Variants in MTTP observed in about 807,000 individuals in gnomAD.
The protein encoded by MTTP is microsomal triglyceride transfer protein large subunit.
MTTP carries 49 observed loss-of-function variants against 90.6 expected under a neutral mutation model. The ratio of observed to expected loss-of-function variants is 0.54; its 90% CI spans 0.43 to 0.69. MTTP has a LOEUF of 0.69. Ranked by LOEUF, MTTP falls within the 30% of genes least tolerant of loss-of-function variation. The pLI, the probability that MTTP is intolerant of heterozygous loss-of-function variation, is 0.00. For missense variants in MTTP, 945 were observed against 1,067.5 expected (o/e 0.89, Z 1.60); for synonymous variants, 347 against 384.2 (o/e 0.90, Z 1.13).
In MTTP at chr4:99,586,920, T is replaced by A. The variant is rs559857268; in HGVS notation, c.394-2723T>A. On this transcript the variant is annotated intron_variant, in intron 3 of 17. Transcript: ENST00000265517. ...GCTGTGGTTTCCTTGGGTTAAAGAC[T>A]TCGTTTGTAACCAGGTCATACCTGC... Among the ~76,000 whole-genome samples the A allele has an allele frequency of 8.5e-5, 13 of 152,248 alleles. No homozygotes were observed. In the South Asian group the frequency reaches 2.5e-3, roughly 29 times the overall value.
intron 9 of MTTP, among the ~76,000 whole-genome samples, chr4:99,601,060 G>C (rs998538203): frequency 6.6e-6 from 1 of 152,064 alleles, no homozygotes; most frequent in Non-Finnish European, 1.5e-5. Context: ...TACAAGATTT[G>C]TTTTGACTTC....
chr4:99,570,215 T>C (rs1724804657), upstream of MTTP, among the ~76,000 whole-genome samples: 1 of 151,958 alleles, frequency 6.6e-6, no homozygotes, highest in African/African-American at 2.4e-5. Flanking sequence ...AAATTTTCAG[T>C]TTTAGTTTTT....
At chr4:99,564,396 C>A in intron 1 of MTTP, 1 of 685,706 alleles carries the variant, frequency 1.5e-6, no homozygotes, top group Non-Finnish European at 2.3e-6. Flanking sequence ...CATGATTTTA[C>A]ATAACTCAAG....
intron 17 of MTTP, 116 bp from the exon 18 acceptor site, chr4:99,622,561 C>A: frequency 9.1e-7 from 1 of 1,101,990 alleles, no homozygotes; most frequent in South Asian, 1.3e-5. Flanking sequence ...ACACTCATAT[C>A]CTTTCTCAGA....
chr4:99,583,414 G>A lies in MTTP; in HGVS notation c.290G>A (p.Gly97Glu), dbSNP rs777178178. ...GTTGAAAATGTGAATCAGCAGAGAGGAGAGAAGAGCATCTTCAAAGGAAAA... is the reference window on the plus strand; with the variant it reads ...GTTGAAAATGTGAATCAGCAGAGAGAAGAGAAGAGCATCTTCAAAGGAAAA... Reference protein sequence around the residue: ...VNVENVNQQRGEKSIFKGKSP... With the variant: ...VNVENVNQQREEKSIFKGKSP... The change falls in exon 3 of 18, where the codon GGA (glycine) becomes GAA (glutamate). Residue 97 changes from glycine to glutamate, a missense_variant. Coordinates refer to ENST00000265517, the MANE Select transcript of MTTP (RefSeq NM_001386140.1). 5.6e-6 allele frequency: 9 copies of A among 1,613,408 alleles called. No individual in the cohort carries two copies. In the South Asian group the frequency reaches 7.7e-5, roughly 14 times the overall value.
chr4:99,619,222 T>C lies in MTTP; in HGVS notation c.2342+124T>C, dbSNP rs1456436515. The stretch of plus-strand genomic sequence containing the variant: ...AATCTATGCTTTCTATTTGGAATTA[T>C]AAAACGATAGAGTTGGAAGTGATCA... On this transcript the variant is annotated intron_variant, in intron 16 of 17. Transcript: ENST00000265517. The C allele has an allele frequency of 2.9e-5, 28 of 963,398 alleles. No homozygotes were observed. The Admixed American group carries it at 5.4e-4, about 18-fold the overall frequency. 59.7% of individuals were successfully genotyped at this position (963,398 alleles called of 1,614,324 possible). A position where few individuals can be genotyped will look rare whatever the true frequency, so the allele number is the denominator to read the frequency against.
At chr4:99,607,980 A>AG (rs1560623375) in intron 11 of MTTP, among the ~76,000 whole-genome samples, 2 of 152,098 alleles carry the variant, frequency 1.3e-5, no homozygotes, top group African/African-American at 4.8e-5. Flanking sequence ...AATTAAAAAA[A>AG]AGAGAGATGG....
At chr4:99,619,424 C>A (rs1726177758) in intron 16 of MTTP, among the ~76,000 whole-genome samples, 1 of 152,096 alleles carries the variant, frequency 6.6e-6, no homozygotes, top group Non-Finnish European at 1.5e-5. Flanking sequence ...AAACTTTCCT[C>A]TTTTGTTGTC....
At chr4:99,621,279 C>A (rs1726225516) in intron 17 of MTTP, 48 bp downstream of exon 17, 5 of 1,582,364 alleles carry the variant, frequency 3.2e-6, no homozygotes, top group Admixed American at 1.7e-5. Context: ...CCCAGTGCAC[C>A]AGGAACTTGC....
At chr4:99,610,818 C>T (rs1373724299) in intron 12 of MTTP, among the ~76,000 whole-genome samples, 1 of 152,172 alleles carries the variant, frequency 6.6e-6, no homozygotes, top group African/African-American at 2.4e-5. Context: ...AGTGTATGCA[C>T]TATTAAACAA....
chr4:99,594,856 C>T lies in MTTP; in HGVS notation c.882C>T (p.Phe294=), dbSNP rs1351059598. The T allele has an allele frequency of 3.7e-6, 6 of 1,613,938 alleles. No homozygotes were observed. Among genetic ancestry groups the T allele is most frequent in the Non-Finnish European group, 5.1e-6 (6 of 1,179,894 alleles). Residue 294 remains phenylalanine (F), a synonymous_variant, in exon 7 of 18, where the codon TTC becomes TTT. Coordinates refer to ENST00000265517, the MANE Select transcript of MTTP (RefSeq NM_001386140.1). ...YTAIPIVGQV[F]QSHCKGCPSL... is the part of the protein sequence containing the mutation. ...CCATTCCCATTGTGGGGCAGGTCTTCCAGAGCCACTGTAAAGGATGTCCTT... is the reference window on the plus strand; with the variant it reads ...CCATTCCCATTGTGGGGCAGGTCTTTCAGAGCCACTGTAAAGGATGTCCTT...
chr4:99,615,904 T>C (rs1481311526), intron 15 of MTTP, among the ~76,000 whole-genome samples: 1 of 152,198 alleles, frequency 6.6e-6, no homozygotes, highest in Non-Finnish European at 1.5e-5. Flanking sequence ...AGCTACAAAG[T>C]TCTAATAACT....
intron 1 of MTTP, 92 bp from the exon 2 acceptor site, chr4:99,581,813 C>T: frequency 7.7e-7 from 1 of 1,303,412 alleles, no homozygotes; most frequent in East Asian, 2.3e-5. Context: ...ACCAAGCTTC[C>T]TGAGCCCCAC....
chr4:99,594,025 G>A (rs1238640936), intron 6 of MTTP, among the ~76,000 whole-genome samples: 1 of 152,124 alleles, frequency 6.6e-6, no homozygotes, highest in Non-Finnish European at 1.5e-5. Flanking sequence ...TGCATGGGCT[G>A]GAAAGACTCA....
intron 4 of MTTP, among the ~76,000 whole-genome samples, chr4:99,590,792 C>T (rs61074475): frequency 0.17 from 25,769 of 151,816 alleles, 2,725 homozygotes; most frequent in East Asian, 0.44. Context: ...TAATTAATCC[C>T]ACAGGATTTT....
At position 99,581,549 on chromosome 4, in the gene MTTP, C is replaced by A. The variant is rs1725113816; in HGVS notation, c.62-356C>A. ...TACGAATGGCTCATATTAAATTTATCAACCAATTCCTGGTGGGTCCTCTAC... is the reference window on the plus strand; with the variant it reads ...TACGAATGGCTCATATTAAATTTATAAACCAATTCCTGGTGGGTCCTCTAC... On this transcript the variant is annotated intron_variant, in intron 1 of 17. Transcript: ENST00000265517. Among the ~76,000 whole-genome samples, 3 of 152,216 alleles carry A rather than the reference C, an allele frequency of 2.0e-5. No individual in the cohort carries two copies. The South Asian group carries it at 6.2e-4, about 32-fold the overall frequency.
intron 1 of MTTP, among the ~76,000 whole-genome samples, chr4:99,578,244 A>G (rs958247033): frequency 1.3e-5 from 2 of 152,262 alleles, no homozygotes; most frequent in Non-Finnish European, 2.9e-5. Context: ...CTTGAAGGGC[A>G]AATGAAAGAG....
intron 8 of MTTP, 89 bp from the exon 9 acceptor site, chr4:99,600,476 C>A: frequency 7.4e-7 from 1 of 1,356,096 alleles, no homozygotes; most frequent in Non-Finnish European, 1.0e-6. Context: ...TGAGAAAACT[C>A]AAACCAATAG....
intron 3 of MTTP, chr4:99,583,907 A>G: frequency 3.1e-6 from 1 of 326,398 alleles, no homozygotes; most frequent in Non-Finnish European, 5.6e-6. Context: ...GAAATGATCC[A>G]ACTGAGATTA....
Sources: gnomAD v4.1 joint callset for allele counts (sites outside exome capture counted in the v4.1 genomes callset) on GRCh38, gnomAD v4.1.1 for gene constraint, MANE v1.5 for transcripts, NCBI Gene and HGNC (gene_info 2026-07-23, HGNC 2026-07-21) for gene names.